The following ATP1B4 variants were observed in gnomAD, a reference collection of about 807,000 sequenced individuals.
ATP1B4 encodes the protein protein ATP1B4.
ATP1B4 carries 32 observed loss-of-function variants against 29.6 expected under a neutral mutation model. That is an observed-to-expected ratio of 1.08 (90% confidence interval 0.82 to 1.45). The LOEUF is 1.45. ATP1B4 is among the 40% of genes most tolerant of loss of function. ATP1B4 has a pLI of 0.00. For synonymous variants in ATP1B4, 127 were observed against 102.1 expected, an observed-to-expected ratio of 1.24 and a Z score of -1.47; for missense variants, 323 against 276.2, an observed-to-expected ratio of 1.17 and a Z score of -1.20.
At chrX:120,372,970 C>T (rs1055012183) in intron 4 of ATP1B4, among the ~76,000 whole-genome samples, 4 of 112,036 alleles carry the variant, frequency 3.6e-5, no homozygotes, top group Non-Finnish European at 5.6e-5. Flanking sequence ...AATATATTGC[C>T]GGATTCCCTG....
At chrX:120,370,002 C>T (rs2058305309) in intron 2 of ATP1B4, among the ~76,000 whole-genome samples, 1 of 111,495 alleles carries the variant, frequency 9.0e-6, no homozygotes, top group Non-Finnish European at 1.9e-5. Flanking sequence ...GAGGTAAGTG[C>T]TATTTTTATC....
intron 5 of ATP1B4, 49 bp downstream of exon 5, chrX:120,375,617 G>C: frequency 8.4e-6 from 9 of 1,068,153 alleles, no homozygotes; most frequent in Non-Finnish European, 1.1e-5. Flanking sequence ...GAACTAGATA[G>C]GAGGGCTCTG....
rs149791099 is a variant in ATP1B4 at position 120,364,928 on chromosome X, G to T, written c.64-1597G>T. Among the ~76,000 whole-genome samples, 314 of 111,358 alleles carry T rather than the reference G, an allele frequency of 2.8e-3. 1 individual carries two copies. Among genetic ancestry groups the T allele is most frequent in the African/African-American group, 9.7e-3 (297 of 30,611 alleles). On this transcript the variant is annotated intron_variant, in intron 1 of 7. Transcript: ENST00000218008. ...AGACAGGGTCTCACTATGTTGCTCAGGCTGTCATCAAACTCCTGGGTTCAA... is the reference window on the plus strand; with the variant it reads ...AGACAGGGTCTCACTATGTTGCTCATGCTGTCATCAAACTCCTGGGTTCAA...
chrX:120,362,341 C>A, intron 1 of ATP1B4, 110 bp downstream of exon 1: 2 of 739,432 alleles, frequency 2.7e-6, no homozygotes, highest in Non-Finnish European at 2.1e-6. Flanking sequence ...TTGAGACGGG[C>A]AGAAACAGCG....
At chrX:120,362,930 T>G (rs2058269454) in intron 1 of ATP1B4, among the ~76,000 whole-genome samples, 1 of 112,878 alleles carries the variant, frequency 8.9e-6, no homozygotes, top group Admixed American at 9.4e-5. Flanking sequence ...ATTGCCATCC[T>G]GACTGCCACC....
intron 1 of ATP1B4, among the ~76,000 whole-genome samples, chrX:120,364,958 T>A (rs183030464): frequency 1.6e-3 from 179 of 111,919 alleles, no homozygotes; most frequent in Non-Finnish European, 3.0e-3. Flanking sequence ...GTTCAAGTGA[T>A]CCTCCTTTCT....
rs756913320 is a variant in ATP1B4 at position 120,362,100 on chromosome X, T to C, written c.-69T>C. On this transcript the variant is annotated 5_prime_UTR_variant, in exon 1 of 8. Coordinates refer to ENST00000218008, the MANE Select transcript of ATP1B4 (RefSeq NM_001142447.3). ...TGTCCCCAGCAACCAGTGTCTCCTG[T>C]ACCAGCAGAAGCTCCAGAACTCTCA... 1 of 1,008,753 alleles carries C rather than the reference T, an allele frequency of 9.9e-7. No homozygotes were observed. The highest frequency in any genetic ancestry group is 1.9e-5 in the South Asian group (1 of 52,457). The allele number at this position is 1,008,753 out of a possible 1,213,427, so 83.1% of individuals were successfully genotyped here.
chrX:120,375,632 C>T, intron 5 of ATP1B4, 64 bp downstream of exon 5: 2 of 965,988 alleles, frequency 2.1e-6, no homozygotes, highest in South Asian at 2.5e-5. Flanking sequence ...GCTCTGGCCA[C>T]TCCATTTGTC....
chrX:120,367,178 G>A (rs1262524334), intron 2 of ATP1B4, among the ~76,000 whole-genome samples: 1 of 112,083 alleles, frequency 8.9e-6, no homozygotes, highest in African/African-American at 3.2e-5. Context: ...AACAATCCCT[G>A]ACTTGCTTCT....
intron 6 of ATP1B4, 64 bp downstream of exon 6, chrX:120,376,500 A>G: frequency 1.0e-6 from 1 of 968,101 alleles, no homozygotes; most frequent in Non-Finnish European, 1.5e-6. Flanking sequence ...GTAGTCCATC[A>G]CTTTCAAGGA....
Position 120,379,895 on chromosome X carries a change from CTGGTAA to C in ATP1B4, c.*263_*268del. On this transcript the variant is annotated 3_prime_UTR_variant, in exon 8 of 8. Transcript: ENST00000218008. The stretch of plus-strand genomic sequence containing the variant: ...TTAAAACTAAAGCCTGTTCTTGCTG[CTGGTAA>C]TCTCCCTGTAGCGTAAACATAGTAT... 1 of 266,555 alleles carries C rather than the reference CTGGTAA, an allele frequency of 3.8e-6. No homozygotes were observed. Among genetic ancestry groups the C allele is most frequent in the Non-Finnish European group, 6.5e-6 (1 of 152,878 alleles). The allele number at this position is 266,555 out of a possible 1,213,427, so 22.0% of individuals were successfully genotyped here.
In ATP1B4 at chrX:120,380,683, G is replaced by T. The variant is rs2058377567; in HGVS notation, c.*1049G>T. On this transcript the variant is annotated 3_prime_UTR_variant, in exon 8 of 8. Coordinates refer to ENST00000218008, the MANE Select transcript of ATP1B4 (RefSeq NM_001142447.3). ...ATGATGTTTTTTGAGACCATCAGGG[G>T]TGGTTACATAGACCAGCAGCTACAG... 8.9e-6 allele frequency: 1 copy of T among 112,272 alleles called. No individual in the cohort carries two copies. The highest frequency in any genetic ancestry group is 9.5e-5 in the Admixed American group (1 of 10,567). 9.3% of individuals were successfully genotyped at this position (112,272 alleles called of 1,213,427 possible).
intron 2 of ATP1B4, among the ~76,000 whole-genome samples, chrX:120,369,305 A>C (rs1387641822): frequency 8.9e-6 from 1 of 112,298 alleles, no homozygotes; most frequent in Non-Finnish European, 1.9e-5. Flanking sequence ...ACTCCAACTG[A>C]ATCAATGTGT....
At position 120,375,354 on chromosome X, in the gene ATP1B4, C is replaced by T; in HGVS notation, c.563-18C>T. 2 of 1,192,855 alleles carry T rather than the reference C, an allele frequency of 1.7e-6. No individual in the cohort carries two copies. The highest frequency in any genetic ancestry group is 3.0e-5 in the East Asian group (1 of 33,525). The stretch of plus-strand genomic sequence containing the variant: ...GCACCTGTCTAACATAACCTGTTGC[C>T]ACTCACACATGCTTTAGGTTATAAT... On this transcript the variant is annotated intron_variant, in intron 4 of 7. Coordinates refer to ENST00000218008, the MANE Select transcript of ATP1B4 (RefSeq NM_001142447.3).
intron 2 of ATP1B4, among the ~76,000 whole-genome samples, chrX:120,368,177 C>T (rs2058295073): frequency 9.0e-6 from 1 of 111,474 alleles, no homozygotes; most frequent in Admixed American, 9.5e-5. Flanking sequence ...TTCAAGTGCC[C>T]AGAGAAGATA....
rs989692786 is a variant in ATP1B4, at chrX:120,380,826, A to T, written c.*1192A>T. 8.9e-6 allele frequency: 1 copy of T among 112,483 alleles called. No individual in the cohort carries two copies. Among genetic ancestry groups the T allele is most frequent in the Non-Finnish European group, 1.9e-5 (1 of 53,297 alleles). 9.3% of individuals were successfully genotyped at this position (112,483 alleles called of 1,213,427 possible). ...GTTTAGCATTTACTTTAAAAATGAC[A>T]TGAGGCAGATTCTTATCCAGGATGT... On this transcript the variant is annotated 3_prime_UTR_variant, in exon 8 of 8. Transcript: ENST00000218008.
At chrX:120,377,874 T>C (rs1473899105) in intron 6 of ATP1B4, among the ~76,000 whole-genome samples, 2 of 111,916 alleles carry the variant, frequency 1.8e-5, no homozygotes, top group African/African-American at 6.5e-5. Flanking sequence ...TTATAGTATA[T>C]TGACAGAAGT....
chrX:120,376,073 G>C (rs1211141678), intron 5 of ATP1B4, among the ~76,000 whole-genome samples: 1 of 111,510 alleles, frequency 9.0e-6, no homozygotes, highest in Non-Finnish European at 1.9e-5. Context: ...CATGACTTAG[G>C]TGTGGCAGAG....
intron 1 of ATP1B4, among the ~76,000 whole-genome samples, chrX:120,365,165 G>C (rs1457557752): frequency 8.9e-6 from 1 of 112,116 alleles, no homozygotes; most frequent in Admixed American, 9.4e-5. Context: ...TGAATTTACT[G>C]CATGGTTTTG....
Sources: allele counts gnomAD v4.1 joint callset (sites outside exome capture counted in the v4.1 genomes callset), GRCh38; gene constraint gnomAD v4.1.1; transcripts MANE v1.5; gene names NCBI Gene and HGNC (gene_info 2026-07-23, HGNC 2026-07-21).